ROBO2: variants seen among roughly 807,000 people sequenced by gnomAD.
ROBO2 encodes the protein roundabout homolog 2.
Under a neutral mutation model 160.8 loss-of-function variants are expected in ROBO2, and 53 were observed. The ratio of observed to expected loss-of-function variants is 0.33; its 90% confidence interval spans 0.26 to 0.41. The LOEUF (loss-of-function observed/expected upper bound fraction) is 0.41. ROBO2 is among the 10% of genes least tolerant of loss of function. ROBO2 has a pLI of 1.00. For missense variants in ROBO2, 1,577 were observed against 1,722.4 expected (o/e 0.92, Z 1.49); for synonymous variants, 664 against 611.7 (o/e 1.09, Z -1.26).
intron 2 of ROBO2, among the ~76,000 whole-genome samples, chr3:76,257,627 C>T (rs1279739184): frequency 6.7e-6 from 1 of 149,988 alleles, no homozygotes; most frequent in African/African-American, 2.5e-5. Context: ...TCTCTCACTG[C>T]ATACAGTTAT....
chr3:76,054,404 A>G (rs930208508), intron 2 of ROBO2, among the ~76,000 whole-genome samples: 1 of 152,218 alleles, frequency 6.6e-6, no homozygotes, highest in African/African-American at 2.4e-5. Flanking sequence ...AGTAGTAGTC[A>G]TAGAGTGAGT....
chr3:77,490,052 A>G (rs2153598123), intron 4 of ROBO2, among the ~76,000 whole-genome samples: 2 of 149,412 alleles, frequency 1.3e-5, no homozygotes, highest in South Asian at 4.2e-4. Context: ...TAATGTCGGC[A>G]TGCCCGTCTT....
At chr3:76,328,883 AATATAT>A (rs10544435) in intron 2 of ROBO2, among the ~76,000 whole-genome samples, 1 of 144,356 alleles carries the variant, frequency 6.9e-6, no homozygotes, top group African/African-American at 2.6e-5. Flanking sequence ...AACAAAAACA[AATATAT>A]ATATATATAT....
At chr3:76,422,096 A>G (rs1466023452) in intron 2 of ROBO2, among the ~76,000 whole-genome samples, 1 of 152,214 alleles carries the variant, frequency 6.6e-6, no homozygotes, top group East Asian at 1.9e-4. Context: ...GAGGCTAATC[A>G]TTCCACTTCG....
chr3:76,395,992 T>C (rs1004714009), intron 2 of ROBO2, among the ~76,000 whole-genome samples: 63 of 152,096 alleles, frequency 4.1e-4, no homozygotes, highest in Non-Finnish European at 8.2e-4. Context: ...ATCATCCTGA[T>C]ACCAAAGCCG....
At chr3:76,727,181 C>A (rs554825952) in intron 2 of ROBO2, among the ~76,000 whole-genome samples, 1 of 152,212 alleles carries the variant, frequency 6.6e-6, no homozygotes, top group African/African-American at 2.4e-5. Flanking sequence ...ATCTGTTTCT[C>A]TTTTCATGAT....
chr3:76,360,541 G>T (rs1024273951), intron 2 of ROBO2, among the ~76,000 whole-genome samples: 1 of 152,158 alleles, frequency 6.6e-6, no homozygotes, highest in Non-Finnish European at 1.5e-5. Context: ...ATAAACTTTC[G>T]CTTAGTAAGG....
intron 2 of ROBO2, among the ~76,000 whole-genome samples, chr3:76,711,241 C>T (rs1310672526): frequency 6.6e-6 from 1 of 152,084 alleles, no homozygotes; most frequent in African/African-American, 2.4e-5. Flanking sequence ...GAAAGCAAAG[C>T]GGAAGCAAGC....
At chr3:76,162,616 T>G (rs180727646) in intron 2 of ROBO2, among the ~76,000 whole-genome samples, 35 of 152,268 alleles carry the variant, frequency 2.3e-4, no homozygotes, top group African/African-American at 7.9e-4. Flanking sequence ...ACCAGACTAT[T>G]TTGTTTTATT....
chr3:76,002,864 C>T (rs2065926181), intron 2 of ROBO2, among the ~76,000 whole-genome samples: 1 of 152,036 alleles, frequency 6.6e-6, no homozygotes, highest in South Asian at 2.1e-4. Flanking sequence ...AGACTTGTAC[C>T]CTCCAGAACT....
In ROBO2 at chr3:77,348,068, C is replaced by T. The variant is rs535983632; in HGVS notation, c.389-129346C>T. ...CACCTTTTTTTCCTCTAATCCCTTT[C>T]CTGTGGTGAGAAAAGCTTTTACCAG... On this transcript the variant is annotated intron_variant, in intron 2 of 25. Coordinates refer to ENST00000461745, the Ensembl canonical transcript of ROBO2. Among the ~76,000 whole-genome samples, 5 of 152,162 alleles carry T rather than the reference C, an allele frequency of 3.3e-5. No individual in the cohort carries two copies. In the South Asian group the frequency reaches 1.0e-3, roughly 32 times the overall value.
At chr3:77,488,578 A>T (rs1176233220) in intron 4 of ROBO2, among the ~76,000 whole-genome samples, 1 of 152,236 alleles carries the variant, frequency 6.6e-6, no homozygotes, top group African/African-American at 2.4e-5. Context: ...TCTATGGAGC[A>T]TTAATAGATA....
chr3:76,445,588 A>C (rs534679561), intron 2 of ROBO2, among the ~76,000 whole-genome samples: 5 of 152,256 alleles, frequency 3.3e-5, no homozygotes, highest in Non-Finnish European at 5.9e-5. Context: ...CACAACGAAA[A>C]AAGAGAATTT....
At chr3:77,259,546 T>C (rs2153328633) in intron 2 of ROBO2, among the ~76,000 whole-genome samples, 1 of 152,194 alleles carries the variant, frequency 6.6e-6, no homozygotes, top group South Asian at 2.1e-4. Flanking sequence ...GATGACAAAA[T>C]GATAGATGAG....
At chr3:76,504,687 C>G (rs964557396) in intron 2 of ROBO2, among the ~76,000 whole-genome samples, 1 of 151,836 alleles carries the variant, frequency 6.6e-6, no homozygotes, top group Non-Finnish European at 1.5e-5. Flanking sequence ...GCCACCACGC[C>G]CAGCTAATTT....
chr3:77,020,633 T>C (rs2062572583), intron 2 of ROBO2, among the ~76,000 whole-genome samples: 1 of 152,176 alleles, frequency 6.6e-6, no homozygotes, highest in South Asian at 2.1e-4. Context: ...CATTATCTAA[T>C]ATCAACAACC....
chr3:77,128,525 T>C (rs969853436), intron 2 of ROBO2, among the ~76,000 whole-genome samples: 1 of 152,218 alleles, frequency 6.6e-6, no homozygotes, highest in African/African-American at 2.4e-5. Flanking sequence ...GGATGACTAA[T>C]TTTTTGCACG....
intron 2 of ROBO2, among the ~76,000 whole-genome samples, chr3:76,881,979 TTG>T (rs140384151): frequency 5.5e-5 from 8 of 146,074 alleles, no homozygotes; most frequent in Non-Finnish European, 9.1e-5. Flanking sequence ...TAGGTTGGTT[TTG>T]TGTGTGTGTG....
At chr3:76,311,317 T>G (rs995566342) in intron 2 of ROBO2, 1 of 152,196 alleles carries the variant, frequency 6.6e-6, no homozygotes, top group Non-Finnish European at 1.5e-5. Context: ...TGGAGAAAAT[T>G]ACTAGGCTTG....
Sources: allele counts gnomAD v4.1 joint callset (sites outside exome capture counted in the v4.1 genomes callset), GRCh38; gene constraint gnomAD v4.1.1; transcripts MANE v1.5; gene names NCBI Gene and HGNC (gene_info 2026-07-23, HGNC 2026-07-21).